The following HSD17B4 variants were observed in gnomAD, a reference collection of about 807,000 sequenced individuals.
The protein encoded by HSD17B4 is hydroxysteroid 17-beta dehydrogenase 4.
A neutral mutation model predicts 101.0 loss-of-function variants in HSD17B4; 70 were observed. That is an observed-to-expected ratio of 0.69 (90% CI 0.57 to 0.85). The LOEUF (loss-of-function observed/expected upper bound fraction) is 0.85. Ranked by LOEUF, HSD17B4 falls within the 40% of genes least tolerant of loss-of-function variation. The probability of loss-of-function intolerance (pLI) is 0.00; values close to 1 mark genes in which losing one functional copy is unlikely to be tolerated. For missense variants in HSD17B4, 984 were observed against 892.4 expected, an observed-to-expected ratio of 1.10 and a Z score of -1.31; for synonymous variants, 347 against 297.1, an observed-to-expected ratio of 1.17 and a Z score of -1.73.
chr5:119,529,825 C>G (rs946438828), intron 20 of HSD17B4, 69 bp from the exon 21 acceptor site: 1 of 901,176 alleles, frequency 1.1e-6, no homozygotes, highest in African/African-American at 1.6e-5. Context: ...AAACTTTGTA[C>G]TGTTTCACAG....
chr5:119,502,010 T>C, intron 13 of HSD17B4, 31 bp from the exon 14 acceptor site: 6 of 1,421,942 alleles, frequency 4.2e-6, no homozygotes, highest in Non-Finnish European at 6.0e-6. Flanking sequence ...CAAGAAAGTT[T>C]GCTAATAAAA....
At chr5:119,467,125 G>A (rs1280329872) in intron 2 of HSD17B4, among the ~76,000 whole-genome samples, 3 of 152,122 alleles carry the variant, frequency 2.0e-5, no homozygotes, top group African/African-American at 7.2e-5. Flanking sequence ...TCTTCATTGT[G>A]ATTAGAAAAC....
chr5:119,540,101 T>A (rs1156950478), intron 23 of HSD17B4, among the ~76,000 whole-genome samples: 1 of 152,030 alleles, frequency 6.6e-6, no homozygotes, highest in East Asian at 1.9e-4. Context: ...AATCAGTAGT[T>A]GGTATAGCCT....
chr5:119,482,052 C>T (rs554170868), intron 8 of HSD17B4, among the ~76,000 whole-genome samples: 1 of 152,114 alleles, frequency 6.6e-6, no homozygotes, highest in Non-Finnish European at 1.5e-5. Flanking sequence ...TGGTGTCTGT[C>T]ATTAATTTTA....
At chr5:119,517,572 G>A (rs908231961) in intron 17 of HSD17B4, among the ~76,000 whole-genome samples, 3 of 152,250 alleles carry the variant, frequency 2.0e-5, no homozygotes, top group African/African-American at 7.2e-5. Context: ...GGGCTCCTGA[G>A]TCTGGTGGGG....
chr5:119,541,936 G>A lies in HSD17B4; in HGVS notation c.2153G>A (p.Gly718Glu). 1 of 1,613,106 alleles carries A rather than the reference G, an allele frequency of 6.2e-7. No individual in the cohort carries two copies. The highest frequency in any genetic ancestry group is 1.1e-5 in the South Asian group (1 of 91,044). The change falls in exon 24 of 24, where the codon GGG (glycine) becomes GAG (glutamate). Residue 718 changes from glycine (G) to glutamate (E), a missense_variant. Gly to Glu is a moderately conservative substitution (Grantham distance 98, BLOSUM62 -2). Transcript: ENST00000510025. Reference protein sequence around the residue: ...AFFSGRLKARGNIMLSQKLQM... With the variant: ...AFFSGRLKARENIMLSQKLQM... ...TTTAGTGGCAGGCTGAAGGCCAGAG[G>A]GAACATCATGCTGAGCCAGAAACTT...
intron 16 of HSD17B4, among the ~76,000 whole-genome samples, chr5:119,510,421 C>T (rs1382170289): frequency 6.6e-6 from 1 of 152,148 alleles, no homozygotes; most frequent in Non-Finnish European, 1.5e-5. Context: ...ATTTGGATTT[C>T]ACGTTAATCT....
chr5:119,497,915 C>G (rs1750795360), intron 12 of HSD17B4, among the ~76,000 whole-genome samples: 1 of 152,014 alleles, frequency 6.6e-6, no homozygotes. Flanking sequence ...CATTTTCTGA[C>G]TCTTTAGAAA....
At chr5:119,513,804 C>T (rs185048568) in intron 16 of HSD17B4, among the ~76,000 whole-genome samples, 184 of 152,294 alleles carry the variant, frequency 1.2e-3, no homozygotes, top group African/African-American at 4.1e-3. Flanking sequence ...GTGCCATAAA[C>T]GAGTTTCTAG....
At chr5:119,461,522 T>A (rs902572428) in intron 2 of HSD17B4, among the ~76,000 whole-genome samples, 7 of 152,178 alleles carry the variant, frequency 4.6e-5, no homozygotes, top group Non-Finnish European at 1.0e-4. Flanking sequence ...TTTGGTACCT[T>A]GTACTTAGTT....
chr5:119,510,061 T>G (rs1057055511), intron 16 of HSD17B4, among the ~76,000 whole-genome samples: 1 of 152,224 alleles, frequency 6.6e-6, no homozygotes, highest in East Asian at 1.9e-4. Context: ...TTACCATATA[T>G]GTAATCTTAT....
chr5:119,486,979 A>G (rs1279678496), intron 8 of HSD17B4, among the ~76,000 whole-genome samples: 3 of 151,666 alleles, frequency 2.0e-5, no homozygotes, highest in African/African-American at 7.3e-5. Flanking sequence ...CTTTTTCTGT[A>G]TTTGTTCTGT....
chr5:119,537,045 G>A (rs888202288), intron 23 of HSD17B4, among the ~76,000 whole-genome samples: 1 of 152,030 alleles, frequency 6.6e-6, no homozygotes, highest in Non-Finnish European at 1.5e-5. Context: ...CAAAATTAAA[G>A]TAATTGATGT....
At chr5:119,497,041 G>A (rs990723101) in intron 12 of HSD17B4, among the ~76,000 whole-genome samples, 4 of 152,180 alleles carry the variant, frequency 2.6e-5, no homozygotes, top group African/African-American at 9.6e-5. Flanking sequence ...AGATCAGAGC[G>A]ATTGGGTATC....
At chr5:119,530,677 A>C (rs948080109) in intron 21 of HSD17B4, among the ~76,000 whole-genome samples, 6 of 151,514 alleles carry the variant, frequency 4.0e-5, no homozygotes, top group African/African-American at 7.3e-5. Flanking sequence ...ACATGGTGAG[A>C]CTCCATCTCT....
chr5:119,491,980 A>G, intron 9 of HSD17B4, 120 bp from the exon 10 acceptor site: 1 of 812,842 alleles, frequency 1.2e-6, no homozygotes, highest in South Asian at 1.3e-5. Context: ...TATTATTTTC[A>G]TCTCCTGTTG....
rs1483206748 is a variant in HSD17B4 at position 119,531,346 on chromosome 5, A to G, written c.1935A>G (p.Lys645=). The G allele has an allele frequency of 2.5e-6, 4 of 1,613,608 alleles. No homozygotes were observed. Among genetic ancestry groups the G allele is most frequent in the Non-Finnish European group, 2.5e-6 (3 of 1,179,720 alleles). Residue 645 remains lysine, a synonymous_variant, in exon 22 of 24, where the codon AAA becomes AAG. Transcript: ENST00000510025. ...LKDIGPEVVK[K]VNAVFEWHIT... ...ATATTGGGCCTGAGGTGGTGAAGAA[A>G]GTAAATGCTGTATTTGAGTGGCATA... is the stretch of plus-strand genomic sequence containing the variant.
At chr5:119,526,818 T>A (rs1332119713) in intron 19 of HSD17B4, among the ~76,000 whole-genome samples, 1 of 152,016 alleles carries the variant, frequency 6.6e-6, no homozygotes, top group African/African-American at 2.4e-5. Context: ...TTTAACTGTT[T>A]CTTTAAGTTG....
intron 8 of HSD17B4, among the ~76,000 whole-genome samples, chr5:119,484,490 C>A (rs1001147699): frequency 1.3e-5 from 2 of 152,190 alleles, no homozygotes; most frequent in East Asian, 3.9e-4. Context: ...TAATTGAGAG[C>A]CTACCTTTAT....
Sources: gnomAD v4.1 joint callset for allele counts (sites outside exome capture counted in the v4.1 genomes callset) on GRCh38, gnomAD v4.1.1 for gene constraint, MANE v1.5 for transcripts, NCBI Gene and HGNC (gene_info 2026-07-23, HGNC 2026-07-21) for gene names.